UBTD2: variants seen among roughly 807,000 people sequenced by gnomAD.
UBTD2 encodes ubiquitin domain containing 2, also known as ubiquitin domain-containing protein 2.
A neutral mutation model predicts 19.8 loss-of-function variants in UBTD2; 9 were observed. The observed-to-expected ratio is 0.46, with a 90% CI of 0.27 to 0.79. The LOEUF (loss-of-function observed/expected upper bound fraction) is 0.79. Among genes scored for constraint, UBTD2 ranks in the 30% least tolerant of loss-of-function variants. The pLI is 0.14. For synonymous variants in UBTD2, 98 were observed against 103.9 expected (o/e 0.94, Z 0.35); for missense variants, 250 against 300.4 (o/e 0.83, Z 1.24).
At position 172,231,241 on chromosome 5, in the gene UBTD2, T is replaced by C. The variant is rs374281789; in HGVS notation, c.307+2881A>G. Among the ~76,000 whole-genome samples, 9 of 152,234 alleles carry C rather than the reference T, an allele frequency of 5.9e-5. No homozygotes were observed. In the South Asian group the frequency reaches 1.7e-3, roughly 28 times the overall value. ...CAAAATTATAAGGTCCAAGAAATAT[T>C]GACAAGATTCAGATATGAACAAAAG... On this transcript the variant is annotated intron_variant, in intron 2 of 2. Coordinates refer to ENST00000393792, the MANE Select transcript of UBTD2 (RefSeq NM_152277.3).
intron 2 of UBTD2, among the ~76,000 whole-genome samples, 200 bp downstream of exon 2, chr5:172,233,922 C>T (rs952392885): frequency 2.0e-5 from 3 of 151,476 alleles, no homozygotes; most frequent in Non-Finnish European, 2.9e-5. Flanking sequence ...AAAATATATA[C>T]GTATACACAA....
At chr5:172,254,102 T>C (rs1755088973) in intron 1 of UBTD2, among the ~76,000 whole-genome samples, 1 of 151,988 alleles carries the variant, frequency 6.6e-6, no homozygotes, top group Non-Finnish European at 1.5e-5. Context: ...TAGCATTCCT[T>C]TTTTCTTTTT....
At chr5:172,272,202 G>A (rs903105665) in intron 1 of UBTD2, among the ~76,000 whole-genome samples, 3 of 152,188 alleles carry the variant, frequency 2.0e-5, no homozygotes, top group Non-Finnish European at 2.9e-5. Flanking sequence ...TCAATATACG[G>A]ATATATTAAA....
intron 1 of UBTD2, among the ~76,000 whole-genome samples, chr5:172,247,404 C>G (rs1261101338): frequency 1.3e-5 from 2 of 151,978 alleles, no homozygotes; most frequent in African/African-American, 4.8e-5. Context: ...GTAATCCCAG[C>G]ACTCTGGGAG....
chr5:172,255,274 C>G (rs1755117955), intron 1 of UBTD2: 1 of 451,366 alleles, frequency 2.2e-6, no homozygotes, highest in Non-Finnish European at 4.5e-6. Flanking sequence ...TATTCCATGC[C>G]ACAGGCCTTC....
chr5:172,222,185 T>C (rs1158885413), intron 2 of UBTD2, among the ~76,000 whole-genome samples: 1 of 152,204 alleles, frequency 6.6e-6, no homozygotes, highest in Non-Finnish European at 1.5e-5. Flanking sequence ...TACTGCAGAA[T>C]TACCTATTCA....
chr5:172,227,855 AT>A (rs1358904822), intron 2 of UBTD2, among the ~76,000 whole-genome samples: 1 of 151,276 alleles, frequency 6.6e-6, no homozygotes, highest in Non-Finnish European at 1.5e-5. Context: ...TAATTTTTGT[AT>A]TTTTAGTAGA....
chr5:172,266,154 C>G (rs1438680727), intron 1 of UBTD2, among the ~76,000 whole-genome samples: 1 of 152,032 alleles, frequency 6.6e-6, no homozygotes, highest in Non-Finnish European at 1.5e-5. Flanking sequence ...TGGTCTTGAA[C>G]TCCTGACCTC....
chr5:172,263,198 T>C (rs1191660552), intron 1 of UBTD2, among the ~76,000 whole-genome samples: 1 of 152,138 alleles, frequency 6.6e-6, no homozygotes, highest in Non-Finnish European at 1.5e-5. Context: ...TCCAAAGTGC[T>C]AGGATTACAG....
chr5:172,216,019 C>A (rs192558583), intron 2 of UBTD2, among the ~76,000 whole-genome samples: 1 of 151,982 alleles, frequency 6.6e-6, no homozygotes, highest in Non-Finnish European at 1.5e-5. Context: ...CAAAAATTAG[C>A]CGAGCGTGGT....
chr5:172,254,478 T>C (rs1755098744), intron 1 of UBTD2: 2 of 521,366 alleles, frequency 3.8e-6, no homozygotes, highest in African/African-American at 2.0e-5. Context: ...TCCAGTATGT[T>C]TTCCTAAATG....
chr5:172,262,171 C>A (rs563867040), intron 1 of UBTD2, among the ~76,000 whole-genome samples: 1 of 151,922 alleles, frequency 6.6e-6, no homozygotes, highest in South Asian at 2.1e-4. Flanking sequence ...AAAATGTGGT[C>A]GGGAGCGGTG....
intron 1 of UBTD2, among the ~76,000 whole-genome samples, chr5:172,269,758 A>AAC (rs1340244898): frequency 4.7e-5 from 7 of 149,942 alleles, no homozygotes; most frequent in African/African-American, 1.7e-4. Flanking sequence ...AAAAAAAAAA[A>AAC]GTTAAACACA....
At chr5:172,246,095 T>G (rs1357660160) in intron 1 of UBTD2, among the ~76,000 whole-genome samples, 1 of 152,136 alleles carries the variant, frequency 6.6e-6, no homozygotes, top group Non-Finnish European at 1.5e-5. Flanking sequence ...AGACAAAGAC[T>G]TCAAAGCAGT....
intron 1 of UBTD2, among the ~76,000 whole-genome samples, chr5:172,259,484 A>G (rs1445976969): frequency 1.3e-5 from 2 of 152,070 alleles, no homozygotes; most frequent in African/African-American, 4.8e-5. Flanking sequence ...GTAAGAAAGG[A>G]GTAGTCTTCA....
intron 2 of UBTD2, among the ~76,000 whole-genome samples, chr5:172,216,339 G>T (rs1286136544): frequency 6.6e-6 from 1 of 151,122 alleles, no homozygotes; most frequent in Non-Finnish European, 1.5e-5. Flanking sequence ...AAAGAAACAG[G>T]AAAAATATTT....
intron 1 of UBTD2, among the ~76,000 whole-genome samples, chr5:172,277,513 C>A (rs1755630275): frequency 6.6e-6 from 1 of 151,982 alleles, no homozygotes; most frequent in Admixed American, 6.6e-5. Flanking sequence ...TTGAGACCAG[C>A]CTCAACAACA....
At chr5:172,236,097 C>T (rs1772003113) in intron 1 of UBTD2, among the ~76,000 whole-genome samples, 1 of 152,238 alleles carries the variant, frequency 6.6e-6, no homozygotes, top group African/African-American at 2.4e-5. Flanking sequence ...GCTATCTCTA[C>T]TCTCCAGGCT....
rs115586218 is a variant in UBTD2 at position 172,260,187 on chromosome 5, C to T, written c.70+23409G>A. Among the ~76,000 whole-genome samples, 173 of 151,858 alleles carry T rather than the reference C, an allele frequency of 1.1e-3. 1 individual carries two copies. The highest frequency in any genetic ancestry group is 4.0e-3 in the African/African-American group (165 of 41,402). On this transcript the variant is annotated intron_variant, in intron 1 of 2. Coordinates refer to ENST00000393792, the MANE Select transcript of UBTD2 (RefSeq NM_152277.3). The stretch of plus-strand genomic sequence containing the variant: ...GAGATTCTGCTGCAAAAATAACCTG[C>T]CAATGTATTTTATACTTTCTACTTA...
Sources: gnomAD v4.1 joint callset for allele counts (sites outside exome capture counted in the v4.1 genomes callset) on GRCh38, gnomAD v4.1.1 for gene constraint, MANE v1.5 for transcripts, NCBI Gene and HGNC (gene_info 2026-07-23, HGNC 2026-07-21) for gene names.